Variants in USH2A observed in about 807,000 individuals in gnomAD.
USH2A encodes the protein Usher syndrome 2A (autosomal recessive, mild).
In USH2A, 443 loss-of-function variants were observed where a neutral mutation model predicts 538.9. The ratio of observed to expected loss-of-function variants is 0.82; its 90% confidence interval spans 0.76 to 0.89. The LOEUF (loss-of-function observed/expected upper bound fraction) is 0.89, where lower values mean the gene tolerates loss of function less well. USH2A is among the 40% of genes least tolerant of loss of function. The pLI is 0.00. For missense variants in USH2A, 6,633 were observed against 6,324.8 expected (o/e 1.05, Z -1.65); for synonymous variants, 2,413 against 2,273.5 (o/e 1.06, Z -1.75).
intron 32 of USH2A, among the ~76,000 whole-genome samples, chr1:216,044,712 A>G (rs766229904): frequency 4.6e-5 from 7 of 152,152 alleles, no homozygotes; most frequent in African/African-American, 7.2e-5. Context: ...TGTTTTTAAG[A>G]CCACATTCTT....
chr1:216,055,810 C>T (rs573465001), intron 30 of USH2A, among the ~76,000 whole-genome samples: 1 of 152,254 alleles, frequency 6.6e-6, no homozygotes, highest in South Asian at 2.1e-4. Context: ...AAAGGTGGAA[C>T]AATAAATACA....
At chr1:215,714,805 C>T (rs754065529) in intron 61 of USH2A, among the ~76,000 whole-genome samples, 2 of 152,020 alleles carry the variant, frequency 1.3e-5, no homozygotes, top group Non-Finnish European at 2.9e-5. Flanking sequence ...TCAATATGAC[C>T]TATATGGAAT....
At chr1:216,389,908 T>G (rs955320525) in intron 3 of USH2A, among the ~76,000 whole-genome samples, 2 of 152,156 alleles carry the variant, frequency 1.3e-5, no homozygotes, top group Non-Finnish European at 2.9e-5. Context: ...AGGTATCAGG[T>G]GAACAAAATA....
At chr1:216,352,794 T>C (rs1278633029) in intron 4 of USH2A, among the ~76,000 whole-genome samples, 1 of 152,142 alleles carries the variant, frequency 6.6e-6, no homozygotes, top group Non-Finnish European at 1.5e-5. Flanking sequence ...TGGATAAATA[T>C]AGCAGTGGAA....
intron 2 of USH2A, 91 bp downstream of exon 2, chr1:216,421,761 T>G: frequency 6.3e-7 from 1 of 1,596,004 alleles, no homozygotes; most frequent in East Asian, 2.2e-5. Context: ...CTATATAGCC[T>G]TCACTTCCGG....
At chr1:215,647,901 A>G (rs989517992) in intron 66 of USH2A, among the ~76,000 whole-genome samples, 171 bp from the exon 67 acceptor site, 35 of 152,198 alleles carry the variant, frequency 2.3e-4, no homozygotes, top group African/African-American at 8.4e-4. Flanking sequence ...ATGTAATGCT[A>G]TTGGAAACGA....
chr1:215,647,372 G>T, intron 67 of USH2A, 150 bp downstream of exon 67: 2 of 993,508 alleles, frequency 2.0e-6, no homozygotes, highest in Non-Finnish European at 1.5e-6. Context: ...TTTTTCCTCA[G>T]TAGTCATCCT....
intron 46 of USH2A, among the ~76,000 whole-genome samples, chr1:215,838,326 T>C (rs1033415140): frequency 1.3e-5 from 2 of 152,194 alleles, no homozygotes; most frequent in Non-Finnish European, 2.9e-5. Context: ...GTAATGGGAA[T>C]GATGATGTTT....
At chr1:215,989,689 T>C (rs1450385451) in intron 35 of USH2A, among the ~76,000 whole-genome samples, 1 of 151,846 alleles carries the variant, frequency 6.6e-6, no homozygotes, top group Non-Finnish European at 1.5e-5. Context: ...AGGTTTAAGG[T>C]GAAGACTGCT....
chr1:215,772,655 A>T (rs1661324543), intron 55 of USH2A, among the ~76,000 whole-genome samples: 1 of 152,238 alleles, frequency 6.6e-6, no homozygotes, highest in Non-Finnish European at 1.5e-5. Context: ...TGTACTCTAT[A>T]AAGAACAGCT....
At chr1:215,652,646 G>A (rs555010364) in intron 64 of USH2A, among the ~76,000 whole-genome samples, 1 of 152,154 alleles carries the variant, frequency 6.6e-6, no homozygotes, top group African/African-American at 2.4e-5. Flanking sequence ...CAGACTTCAG[G>A]GCTGATGAGG....
intron 3 of USH2A, among the ~76,000 whole-genome samples, chr1:216,406,399 C>T (rs12033676): frequency 0.31 from 46,410 of 152,042 alleles, 8,381 homozygotes; most frequent in East Asian, 0.42. Context: ...GTTTATGCCA[C>T]AGATTATGGT....
chr1:216,089,817 T>TAAA (rs576421594), intron 22 of USH2A, among the ~76,000 whole-genome samples: 3 of 142,778 alleles, frequency 2.1e-5, no homozygotes, highest in African/African-American at 7.6e-5. Context: ...GAGGTAAGAA[T>TAAA]AAAAAAAAAA....
At chr1:216,115,964 T>C (rs2032998622) in intron 21 of USH2A, among the ~76,000 whole-genome samples, 1 of 151,522 alleles carries the variant, frequency 6.6e-6, no homozygotes, top group Admixed American at 6.6e-5. Context: ...AAATTTTTAG[T>C]ATTTTAACAA....
rs11802939 is a variant in USH2A at position 215,646,558 on chromosome 1, G to A, written c.14791+964C>T. 3.1e-3 allele frequency among the ~76,000 whole-genome samples: 474 copies of A among 151,970 alleles called. 3 individuals carry two copies. The highest frequency in any genetic ancestry group is 0.011 in the African/African-American group (459 of 41,482). On this transcript the variant is annotated intron_variant, in intron 67 of 71. Coordinates refer to ENST00000307340, the MANE Select transcript of USH2A (RefSeq NM_206933.4). ...TTGTTTTTTTTTGAGAAGGAGTCTT[G>A]CTCTGTTGCCCAGGCTGGAGTACAG...
rs564103372 is a variant in USH2A, at chr1:215,722,678, T to A, written c.12066+5352A>T. On this transcript the variant is annotated intron_variant, in intron 61 of 71. Transcript: ENST00000307340. ...GTAATTCTGGATTTTATTCCCAGAT[T>A]GGAAGCCAATTTTTAGTGACCCATA... is the stretch of plus-strand genomic sequence containing the variant. Among the ~76,000 whole-genome samples, 6 of 152,308 alleles carry A rather than the reference T, an allele frequency of 3.9e-5. No homozygotes were observed. In the South Asian group the frequency reaches 1.2e-3, roughly 32 times the overall value.
chr1:215,712,364 C>A (rs1472556761), intron 61 of USH2A, among the ~76,000 whole-genome samples: 1 of 152,152 alleles, frequency 6.6e-6, no homozygotes, highest in Non-Finnish European at 1.5e-5. Context: ...TCTTTCCTGC[C>A]TCTTTTAGCA....
At chr1:216,010,326 A>G (rs1668528569) in intron 32 of USH2A, among the ~76,000 whole-genome samples, 2 of 152,154 alleles carry the variant, frequency 1.3e-5, no homozygotes, top group African/African-American at 2.4e-5. Flanking sequence ...CCTGCAGCCC[A>G]GGATTCCTCC....
chr1:216,229,122 C>T (rs1282272841), intron 14 of USH2A, among the ~76,000 whole-genome samples: 2 of 151,648 alleles, frequency 1.3e-5, no homozygotes, highest in Non-Finnish European at 2.9e-5. Flanking sequence ...TGAAGTGAGC[C>T]GAGATCACGC....
Sources: gnomAD v4.1 joint callset for allele counts (sites outside exome capture counted in the v4.1 genomes callset) on GRCh38, gnomAD v4.1.1 for gene constraint, MANE v1.5 for transcripts, NCBI Gene and HGNC (gene_info 2026-07-23, HGNC 2026-07-21) for gene names.